GRIN2D: variants seen among roughly 807,000 people sequenced by gnomAD.
The protein encoded by GRIN2D is glutamate receptor ionotropic, NMDA 2D.
GRIN2D carries 37 observed loss-of-function variants against 103.2 expected under a neutral mutation model. The observed-to-expected ratio is 0.36, with a 90% CI of 0.28 to 0.47. GRIN2D has a LOEUF of 0.47. Ranked by LOEUF, GRIN2D falls within the 20% of genes least tolerant of loss-of-function variation. The pLI, the probability that GRIN2D is intolerant of heterozygous loss-of-function variation, is 1.00. For synonymous variants in GRIN2D, 845 were observed against 885.6 expected (o/e 0.95, Z 0.81); for missense variants, 1,557 against 1,910.6 (o/e 0.81, Z 3.45).
At chr19:48,400,110 T>G (rs965070879) in intron 3 of GRIN2D, among the ~76,000 whole-genome samples, 2 of 152,166 alleles carry the variant, frequency 1.3e-5, no homozygotes, top group African/African-American at 4.8e-5. Flanking sequence ...AGGCTGGAGC[T>G]GGCCAGAGCC....
rs1184545079 is a variant in GRIN2D at position 48,423,142 on chromosome 19, C to T, written c.2252+1197C>T. 5.3e-5 allele frequency among the ~76,000 whole-genome samples: 8 copies of T among 152,128 alleles called. 1 individual carries two copies. In the South Asian group the frequency reaches 1.0e-3, roughly 20 times the overall value. ...AGGAGGATCGCTTGAATGCAGGAGG[C>T]GGAGGTTGCAGTGAGCCGAGACTGT... is the stretch of plus-strand genomic sequence containing the variant. On this transcript the variant is annotated intron_variant, in intron 11 of 13. Transcript: ENST00000263269.
In GRIN2D at chr19:48,398,771, G is replaced by T; in HGVS notation, c.379G>T (p.Ala127Ser). ...AGACGACTCGCGCGCGCCCGCCGTCGCGCCCATCCTCGACTTCCTGTCGGC... is the reference window on the plus strand; with the variant it reads ...AGACGACTCGCGCGCGCCCGCCGTCTCGCCCATCCTCGACTTCCTGTCGGC... Reference protein sequence around the residue: ...FEDDSRAPAVAPILDFLSAQT... With the variant: ...FEDDSRAPAVSPILDFLSAQT... The change falls in exon 3 of 14, where the codon GCG (alanine) becomes TCG (serine). Residue 127 changes from alanine (A) to serine (S), a missense_variant. By Grantham distance (99) the Ala-to-Ser change is moderately conservative. This residue lies in a region of GRIN2D where 490 missense variants were observed against 601.1 expected (regional missense o/e 0.82). Transcript: ENST00000263269. The T allele has an allele frequency of 1.4e-6, 2 of 1,464,442 alleles. No homozygotes were observed. Among genetic ancestry groups the T allele is most frequent in the Non-Finnish European group, 1.8e-6 (2 of 1,113,838 alleles). 90.7% of individuals were successfully genotyped at this position (1,464,442 alleles called of 1,614,324 possible). A position where few individuals can be genotyped will look rare whatever the true frequency, so the allele number is the denominator to read the frequency against.
At chr19:48,395,489 G>A (rs1362814491) in intron 2 of GRIN2D, among the ~76,000 whole-genome samples, 2 of 152,030 alleles carry the variant, frequency 1.3e-5, no homozygotes, top group South Asian at 2.1e-4. Flanking sequence ...GGGAGAGACC[G>A]ATGTTGTGTG....
chr19:48,441,727 C>T, intron 11 of GRIN2D, 42 bp from the exon 12 acceptor site: 1 of 1,535,032 alleles, frequency 6.5e-7, no homozygotes, highest in Non-Finnish European at 8.9e-7. Context: ...GCCAGGGCAT[C>T]TAGGTGGGAC....
chr19:48,395,758 G>A (rs1345893962), intron 2 of GRIN2D, among the ~76,000 whole-genome samples: 1 of 152,082 alleles, frequency 6.6e-6, no homozygotes, highest in Non-Finnish European at 1.5e-5. Flanking sequence ...CCAGGATGTT[G>A]GGAAGGATAG....
chr19:48,406,417 A>T (rs1970793273), intron 4 of GRIN2D, among the ~76,000 whole-genome samples: 1 of 152,158 alleles, frequency 6.6e-6, no homozygotes, highest in Admixed American at 6.6e-5. Flanking sequence ...AAAATTGGTA[A>T]GTTTGGTGAC....
In GRIN2D at chr19:48,443,847, G is replaced by T; in HGVS notation, c.3921G>T (p.Leu1307=). 1 of 1,486,610 alleles carries T rather than the reference G, an allele frequency of 6.7e-7. No homozygotes were observed. The highest frequency in any genetic ancestry group is 1.3e-5 in the South Asian group (1 of 79,300). 92.1% of individuals were successfully genotyped at this position (1,486,610 alleles called of 1,614,324 possible). A position where few individuals can be genotyped will look rare whatever the true frequency, so the allele number is the denominator to read the frequency against. The change falls in exon 14 of 14, where the codon CTG becomes CTT. Residue 1307 remains leucine, a synonymous_variant. Coordinates refer to ENST00000263269, the MANE Select transcript of GRIN2D (RefSeq NM_000836.4). This position sits in a 1 kb window ranked among gnomAD's most constrained non-coding sequence, Gnocchi z 8.9. ...ACGCCGCGCACTGGGGGCCGCCGCT[G>T]CCCACAGCTTCCCACCGGAGACACC... ...CPHAAHWGPP[L]PTASHRRHRG... is the part of the protein sequence containing the mutation.
At position 48,414,519 on chromosome 19, in the gene GRIN2D, C is replaced by T; in HGVS notation, c.1347C>T (p.Asp449=). The T allele has an allele frequency of 6.4e-7, 1 of 1,566,260 alleles. No homozygotes were observed. Among genetic ancestry groups the T allele is most frequent in the East Asian group, 2.4e-5 (1 of 42,042 alleles). The change falls in exon 6 of 14, where the codon GAC becomes GAT. Residue 449 remains aspartate, a synonymous_variant. Coordinates refer to ENST00000263269, the MANE Select transcript of GRIN2D (RefSeq NM_000836.4). The surrounding 1 kb of genome is among the most constrained non-coding windows in gnomAD (Gnocchi z 4.6). ...ERPFVIVEPA[D]PISGTCIRDS... Reference sequence around the variant, plus strand: ...CGTTTGTCATCGTGGAGCCTGCAGACCCTATCAGCGGCACCTGCATCCGAG... The same window carrying T: ...CGTTTGTCATCGTGGAGCCTGCAGATCCTATCAGCGGCACCTGCATCCGAG...
rs531074073 is a variant in GRIN2D, at chr19:48,404,949, G to A, written c.681G>A (p.Ala227=). Residue 227 remains alanine, a synonymous_variant, in exon 4 of 14, where the codon GCG becomes GCA. Coordinates refer to ENST00000263269, the MANE Select transcript of GRIN2D (RefSeq NM_000836.4). ...HRGALTLDPG[A]GEAVLSAQLR... ...GAGCGCTGACGCTGGACCCTGGGGC[G>A]GGCGAGGCCGTGCTCAGTGCCCAGC... The A allele has an allele frequency of 3.9e-5, 63 of 1,612,656 alleles. No homozygotes were observed. In the African/African-American group the frequency reaches 7.6e-4, roughly 19 times the overall value.
At chr19:48,401,258 G>T (rs946764158) in intron 3 of GRIN2D, among the ~76,000 whole-genome samples, 1 of 149,884 alleles carries the variant, frequency 6.7e-6, no homozygotes, top group Non-Finnish European at 1.5e-5. Context: ...AGTTCTAGAG[G>T]GGGGGGGAAA....
At chr19:48,416,182 C>G in intron 8 of GRIN2D, 27 bp downstream of exon 8, 2 of 1,608,378 alleles carry the variant, frequency 1.2e-6, no homozygotes, top group Admixed American at 3.3e-5. Flanking sequence ...GGACAGGGAG[C>G]TAGCCCTAGG....
At chr19:48,416,285 G>A in intron 8 of GRIN2D, 130 bp downstream of exon 8, 1 of 684,912 alleles carries the variant, frequency 1.5e-6, no homozygotes, top group Non-Finnish European at 2.5e-6. Context: ...CAACTTCGGT[G>A]AAGTGACATC....
rs2147475952 is a variant in GRIN2D, at chr19:48,442,639, C to G, written c.2713C>G (p.Pro905Ala). The G allele has an allele frequency of 6.7e-7, 1 of 1,489,990 alleles. No homozygotes were observed. The highest frequency in any genetic ancestry group is 8.9e-7 in the Non-Finnish European group (1 of 1,121,476). 92.3% of individuals were successfully genotyped at this position (1,489,990 alleles called of 1,614,324 possible). The change falls in exon 14 of 14, where the codon CCC (proline) becomes GCC (alanine). Residue 905 changes from proline to alanine, a missense_variant. Pro to Ala is a conservative substitution (Grantham distance 27, BLOSUM62 -1). This residue lies in a region of GRIN2D where 632 missense variants were observed against 572.8 expected (regional missense o/e 1.10). Transcript: ENST00000263269. The surrounding 1 kb of genome is among the most constrained non-coding windows in gnomAD (Gnocchi z 7.2). Reference sequence around the variant, plus strand: ...CTGCAGCGCTGAGGCCGCCCCACCGCCCGCCAAGCCCCCGCCGCCGCCACA... The same window carrying G: ...CTGCAGCGCTGAGGCCGCCCCACCGGCCGCCAAGCCCCCGCCGCCGCCACA... ...SCCSAEAAPP[P>A]AKPPPPPQPL...
intron 4 of GRIN2D, among the ~76,000 whole-genome samples, chr19:48,407,794 A>C (rs933357314): frequency 6.6e-6 from 1 of 152,230 alleles, no homozygotes; most frequent in African/African-American, 2.4e-5. Flanking sequence ...AACTTCTGCT[A>C]TGAAAATCAA....
At chr19:48,433,057 C>T (rs1358725866) in intron 11 of GRIN2D, among the ~76,000 whole-genome samples, 1 of 32,174 alleles carries the variant, frequency 3.1e-5, no homozygotes. Flanking sequence ...TCCCAAAGTG[C>T]TGGGATTACA....
Position 48,398,368 on chromosome 19 carries a change from G to T in GRIN2D, c.-25G>T. Reference sequence around the variant, plus strand: ...GTCTCTCCCGGCCCGGGCGCTCAGAGGCCGCCCGGCGGGGCCCGCAGGCGA... The same window carrying T: ...GTCTCTCCCGGCCCGGGCGCTCAGATGCCGCCCGGCGGGGCCCGCAGGCGA... On this transcript the variant is annotated splice_region_variant and 5_prime_UTR_variant, in exon 3 of 14. In the 5' UTR this introduces an upstream ATG that the reference lacks. Coordinates refer to ENST00000263269, the MANE Select transcript of GRIN2D (RefSeq NM_000836.4). The T allele has an allele frequency of 9.0e-7, 1 of 1,114,206 alleles. No individual in the cohort carries two copies. 69.0% of individuals were successfully genotyped at this position (1,114,206 alleles called of 1,614,324 possible).
chr19:48,412,425 G>GAAAGAAAC (rs1555892646), intron 4 of GRIN2D, among the ~76,000 whole-genome samples: 1 of 48,150 alleles, frequency 2.1e-5, no homozygotes, highest in Non-Finnish European at 3.8e-5. Context: ...AGAAAGAAAA[G>GAAAGAAAC]AAAGAAAGAA....
At position 48,405,071 on chromosome 19, in the gene GRIN2D, C is replaced by T. The variant is rs778049759; in HGVS notation, c.803C>T (p.Ser268Phe). ...GCTGAGGAGGCTGGCCTCACTGGATCTGGCTACGTCTGGTTCATGGTGGGG... is the reference window on the plus strand; with the variant it reads ...GCTGAGGAGGCTGGCCTCACTGGATTTGGCTACGTCTGGTTCATGGTGGGG... Reference protein sequence around the residue: ...RAAEEAGLTGSGYVWFMVGPQ... With the variant: ...RAAEEAGLTGFGYVWFMVGPQ... The change falls in exon 4 of 14, where the codon TCT becomes TTT. Residue 268 changes from serine (S) to phenylalanine (F), a missense_variant. This residue lies in a region of GRIN2D where 490 missense variants were observed against 601.1 expected (regional missense o/e 0.82). Transcript: ENST00000263269. The surrounding 1 kb of genome is among the most constrained non-coding windows in gnomAD (Gnocchi z 5.1). 1.9e-6 allele frequency: 3 copies of T among 1,600,378 alleles called. No homozygotes were observed. Among genetic ancestry groups the T allele is most frequent in the Non-Finnish European group, 2.6e-6 (3 of 1,172,734 alleles).
rs1970781806 is a variant in GRIN2D, at chr19:48,405,532, G to T, written c.1085+179G>T. 6.6e-6 allele frequency among the ~76,000 whole-genome samples: 1 copy of T among 152,184 alleles called. No homozygotes were observed. The highest frequency in any genetic ancestry group is 1.5e-5 in the Non-Finnish European group (1 of 68,038). On this transcript the variant is annotated intron_variant, in intron 4 of 13. Coordinates refer to ENST00000263269, the MANE Select transcript of GRIN2D (RefSeq NM_000836.4). This position sits in a 1 kb window ranked among gnomAD's most constrained non-coding sequence, Gnocchi z 5.1. ...GGTTAAATCAAGTAATTTGGAAAAA[G>T]CACCTGAGATAAAGTGAGTGTATTA...
Sources: allele counts gnomAD v4.1 joint callset (sites outside exome capture counted in the v4.1 genomes callset), GRCh38; gene constraint gnomAD v4.1.1; regional missense constraint gnomAD v4.1.1; non-coding constraint Gnocchi (gnomAD v3.1); transcripts MANE v1.5; gene names NCBI Gene and HGNC (gene_info 2026-07-23, HGNC 2026-07-21).